SGCZ: variants seen among roughly 807,000 people sequenced by gnomAD.
The protein encoded by SGCZ is zeta-sarcoglycan.
In SGCZ, 40 loss-of-function variants were observed where a neutral mutation model predicts 41.3. The ratio of observed to expected loss-of-function variants is 0.97; its 90% CI spans 0.75 to 1.26. SGCZ has a LOEUF of 1.26. SGCZ is among the 50% of genes most tolerant of loss of function. SGCZ has a pLI of 0.00. For synonymous variants in SGCZ, 206 were observed against 137.5 expected (o/e 1.50, Z -3.49); for missense variants, 552 against 369.8 (o/e 1.49, Z -4.04).
intron 1 of SGCZ, among the ~76,000 whole-genome samples, chr8:14,635,012 CT>C (rs1174715548): frequency 6.6e-6 from 1 of 151,216 alleles, no homozygotes; most frequent in East Asian, 1.9e-4. Context: ...TATACATAGG[CT>C]TTTTTTAGTA....
At chr8:14,255,002 G>C (rs1181541117) in intron 3 of SGCZ, among the ~76,000 whole-genome samples, 1 of 152,028 alleles carries the variant, frequency 6.6e-6, no homozygotes, top group Admixed American at 6.6e-5. Flanking sequence ...TATTTCTCCA[G>C]TTTGGCTGCT....
chr8:14,425,652 A>C (rs890568712), intron 2 of SGCZ, among the ~76,000 whole-genome samples: 8 of 152,118 alleles, frequency 5.3e-5, no homozygotes, highest in Non-Finnish European at 1.0e-4. Flanking sequence ...AAAAAAAAGA[A>C]AAGTACATCT....
chr8:14,225,718 T>A lies in SGCZ; in HGVS notation c.424+11874A>T, dbSNP rs536462568. Among the ~76,000 whole-genome samples the A allele has an allele frequency of 3.9e-5, 6 of 152,034 alleles. No individual in the cohort carries two copies. The South Asian group carries it at 1.2e-3, about 32-fold the overall frequency. ...CACTTAGTCAGATAACAGATATAGG[T>A]GACATAAAAACAGACGAAGCCAACA... On this transcript the variant is annotated intron_variant, in intron 4 of 7. Transcript: ENST00000382080.
At chr8:14,164,524 C>T (rs1804146352) in intron 5 of SGCZ, 56 bp downstream of exon 5, 18 of 1,599,022 alleles carry the variant, frequency 1.1e-5, no homozygotes, top group Middle Eastern at 1.7e-4. Context: ...GCTCCTTGTG[C>T]AGTTGTATAT....
intron 1 of SGCZ, among the ~76,000 whole-genome samples, chr8:14,558,611 A>AGAGAGAGAGAGG (rs1465597797): frequency 7.3e-6 from 1 of 137,252 alleles, no homozygotes; most frequent in Non-Finnish European, 1.6e-5. Context: ...AGAGAGAGAG[A>AGAGAGAGAGAGG]GAATCTTCCA....
chr8:14,285,932 G>A (rs1009712999), intron 3 of SGCZ, among the ~76,000 whole-genome samples: 11 of 152,002 alleles, frequency 7.2e-5, no homozygotes, highest in East Asian at 3.8e-4. Context: ...TACAACATTC[G>A]CTGTAGGAAA....
chr8:14,931,069 A>G (rs1191119665), intron 1 of SGCZ, among the ~76,000 whole-genome samples: 1 of 152,034 alleles, frequency 6.6e-6, no homozygotes, highest in Non-Finnish European at 1.5e-5. Flanking sequence ...CAAATACTTT[A>G]TGTTTTCTCA....
chr8:14,303,544 AAT>A (rs1249515118), intron 3 of SGCZ, among the ~76,000 whole-genome samples: 3 of 152,118 alleles, frequency 2.0e-5, no homozygotes, highest in Non-Finnish European at 4.4e-5. Flanking sequence ...TTCAGTAAAC[AAT>A]ATGTCAGTGG....
At chr8:14,967,023 G>A (rs1801146430) in intron 1 of SGCZ, among the ~76,000 whole-genome samples, 1 of 152,000 alleles carries the variant, frequency 6.6e-6, no homozygotes, top group South Asian at 2.1e-4. Flanking sequence ...TTTTATGTAT[G>A]CCAGGCACTG....
intron 2 of SGCZ, among the ~76,000 whole-genome samples, chr8:14,373,045 CAGA>C (rs2117166999): frequency 6.6e-6 from 1 of 152,110 alleles, no homozygotes; most frequent in South Asian, 2.1e-4. Flanking sequence ...TTGCAAAGAA[CAGA>C]AGGAGAAGAT....
intron 2 of SGCZ, among the ~76,000 whole-genome samples, chr8:14,402,241 C>T (rs1480387157): frequency 2.0e-5 from 3 of 151,412 alleles, no homozygotes; most frequent in Non-Finnish European, 4.4e-5. Context: ...TGTAGGTTGC[C>T]TGTTCACTCT....
intron 1 of SGCZ, among the ~76,000 whole-genome samples, chr8:14,992,706 ATCC>A (rs1802062383): frequency 1.9e-5 from 1 of 51,632 alleles, no homozygotes; most frequent in African/African-American, 9.1e-5. Context: ...CCCCCCACCC[ATCC>A]TCCTCATTCA....
intron 7 of SGCZ, among the ~76,000 whole-genome samples, chr8:14,101,054 G>A (rs1585133753): frequency 6.6e-6 from 1 of 152,000 alleles, no homozygotes; most frequent in South Asian, 2.1e-4. Flanking sequence ...TCATGTATGA[G>A]CATTTAAAAT....
At chr8:14,912,458 T>C (rs1444678808) in intron 1 of SGCZ, among the ~76,000 whole-genome samples, 1 of 152,200 alleles carries the variant, frequency 6.6e-6, no homozygotes, top group Non-Finnish European at 1.5e-5. Flanking sequence ...TTGAGAACTA[T>C]ACATATTTAG....
At chr8:14,801,475 G>GA (rs1196698900) in intron 1 of SGCZ, among the ~76,000 whole-genome samples, 1 of 152,150 alleles carries the variant, frequency 6.6e-6, no homozygotes, top group African/African-American at 2.4e-5. Flanking sequence ...TTCCTATTAA[G>GA]ATTAAAATGC....
At chr8:14,418,954 T>G (rs1372168305) in intron 2 of SGCZ, among the ~76,000 whole-genome samples, 1 of 151,980 alleles carries the variant, frequency 6.6e-6, no homozygotes, top group Non-Finnish European at 1.5e-5. Flanking sequence ...AATAGTCACC[T>G]GTATCTTCAT....
chr8:14,118,194 C>A (rs1408309357), intron 5 of SGCZ, among the ~76,000 whole-genome samples: 1 of 152,106 alleles, frequency 6.6e-6, no homozygotes, highest in Non-Finnish European at 1.5e-5. Context: ...ATTTGCACTC[C>A]TACCAACAGT....
chr8:14,722,392 A>T (rs2130189331), intron 1 of SGCZ, among the ~76,000 whole-genome samples: 1 of 152,220 alleles, frequency 6.6e-6, no homozygotes, highest in African/African-American at 2.4e-5. Context: ...TATATCTTCC[A>T]TATTTTCTCA....
At chr8:14,098,155 G>A (rs559343757) in intron 7 of SGCZ, among the ~76,000 whole-genome samples, 2 of 152,156 alleles carry the variant, frequency 1.3e-5, no homozygotes, top group South Asian at 2.1e-4. Context: ...ACAAATGAAT[G>A]GCTGCATTTA....
Sources: allele counts gnomAD v4.1 joint callset (sites outside exome capture counted in the v4.1 genomes callset), GRCh38; gene constraint gnomAD v4.1.1; transcripts MANE v1.5; gene names NCBI Gene and HGNC (gene_info 2026-07-23, HGNC 2026-07-21).